The following MKLN1 variants were observed in gnomAD, a reference collection of about 807,000 sequenced individuals.
MKLN1 encodes the protein muskelin.
In MKLN1, 18 loss-of-function variants were observed where a neutral mutation model predicts 99.0. The observed-to-expected ratio is 0.18, with a 90% CI of 0.13 to 0.27. MKLN1 has a LOEUF of 0.27. MKLN1 is among the 10% of genes least tolerant of loss of function. The probability of loss-of-function intolerance (pLI) is 1.00; values close to 1 mark genes in which losing one functional copy is unlikely to be tolerated. For missense variants in MKLN1, 621 were observed against 875.9 expected (o/e 0.71, Z 3.67); for synonymous variants, 288 against 293.2 (o/e 0.98, Z 0.18).
chr7:131,258,216 G>A (rs1355159116), intron 3 of MKLN1, among the ~76,000 whole-genome samples: 3 of 151,158 alleles, frequency 2.0e-5, no homozygotes, highest in Non-Finnish European at 4.4e-5. Flanking sequence ...CTCAGTGACT[G>A]TACTCACTGT....
At chr7:131,354,051 T>C (rs1003895920) in intron 1 of MKLN1, among the ~76,000 whole-genome samples, 3 of 152,218 alleles carry the variant, frequency 2.0e-5, no homozygotes, top group African/African-American at 7.2e-5. Flanking sequence ...AGCTTTAATA[T>C]TGTATAGAGT....
intron 3 of MKLN1, among the ~76,000 whole-genome samples, chr7:131,299,461 T>C (rs914180277): frequency 3.3e-5 from 5 of 152,194 alleles, no homozygotes; most frequent in African/African-American, 9.7e-5. Flanking sequence ...TAGATTTTTT[T>C]CTCCTTGGAG....
At chr7:131,414,108 ATAAT>A (rs1794950692) in intron 7 of MKLN1, among the ~76,000 whole-genome samples, 1 of 152,206 alleles carries the variant, frequency 6.6e-6, no homozygotes, top group South Asian at 2.1e-4. Flanking sequence ...GTTATATAAA[ATAAT>A]TACACAAAGT....
At position 131,443,676 on chromosome 7, in the gene MKLN1, A is replaced by G. The variant is rs1392203772; in HGVS notation, c.1369A>G (p.Ile457Val). The G allele has an allele frequency of 3.1e-6, 5 of 1,612,932 alleles. No homozygotes were observed. In the South Asian group the frequency reaches 4.4e-5, roughly 14 times the overall value. ...TGGGCCTGAGGACATCCAGTCTCGA[A>G]TAGGACACTGCATGTTATTCCACTC... ...NAGPEDIQSR[I>V]GHCMLFHSKN... Residue 457 changes from isoleucine to valine, a missense_variant, in exon 11 of 18, where the codon ATA becomes GTA. This residue lies in a region of MKLN1 where 361 missense variants were observed against 540.8 expected (regional missense o/e 0.67). Transcript: ENST00000352689.
At chr7:131,401,911 T>C (rs1012921880) in intron 6 of MKLN1, among the ~76,000 whole-genome samples, 3 of 152,214 alleles carry the variant, frequency 2.0e-5, no homozygotes, top group African/African-American at 7.2e-5. Flanking sequence ...CTCTTTTTGC[T>C]AGTGAAGGGT....
At chr7:131,322,676 T>C (rs186774163) in intron 3 of MKLN1, among the ~76,000 whole-genome samples, 7,888 of 149,912 alleles carry the variant, frequency 0.053, 324 homozygotes, top group Admixed American at 0.12. Context: ...GTTCACGCCA[T>C]TCTCCTGCCT....
intron 2 of MKLN1, among the ~76,000 whole-genome samples, chr7:131,147,701 A>C (rs1420880599): frequency 6.6e-6 from 1 of 152,120 alleles, no homozygotes; most frequent in African/African-American, 2.4e-5. Flanking sequence ...CAGGATTTCC[A>C]CCCACACAGT....
intron 2 of MKLN1, among the ~76,000 whole-genome samples, chr7:131,165,824 C>T (rs1345672482): frequency 6.6e-6 from 1 of 152,064 alleles, no homozygotes; most frequent in East Asian, 1.9e-4. Context: ...AGTTAGAAAA[C>T]GGTTATGGGG....
At chr7:131,177,812 A>G (rs1796322182) in intron 2 of MKLN1, among the ~76,000 whole-genome samples, 2 of 152,230 alleles carry the variant, frequency 1.3e-5, no homozygotes, top group Non-Finnish European at 2.9e-5. Context: ...GCATAAATGC[A>G]CACATCATAG....
intron 2 of MKLN1, among the ~76,000 whole-genome samples, chr7:131,378,118 T>A (rs1196418343): frequency 6.6e-6 from 1 of 152,204 alleles, no homozygotes; most frequent in Non-Finnish European, 1.5e-5. Context: ...TATTTGTTTA[T>A]TTATTTTTTT....
chr7:131,300,447 G>A (rs918682927), intron 3 of MKLN1, among the ~76,000 whole-genome samples: 3 of 151,558 alleles, frequency 2.0e-5, no homozygotes, highest in East Asian at 3.9e-4. Context: ...TTTGGAGGCC[G>A]AGGCAGGTGG....
chr7:131,172,197 G>C (rs1248294886), intron 2 of MKLN1, among the ~76,000 whole-genome samples: 2 of 152,046 alleles, frequency 1.3e-5, no homozygotes, highest in Non-Finnish European at 2.9e-5. Flanking sequence ...CTGGAGGGCA[G>C]TGACACGAAC....
chr7:131,360,504 G>A (rs1354411677), intron 1 of MKLN1, among the ~76,000 whole-genome samples: 1 of 152,068 alleles, frequency 6.6e-6, no homozygotes, highest in Non-Finnish European at 1.5e-5. Flanking sequence ...ATATTTATGT[G>A]CATCTAAACT....
chr7:131,258,148 T>C (rs1584872585), intron 3 of MKLN1, among the ~76,000 whole-genome samples: 1 of 33,914 alleles, frequency 2.9e-5, no homozygotes, highest in Non-Finnish European at 1.1e-4. Context: ...AAAAAGCTCC[T>C]TTTTTTTTTG....
intron 2 of MKLN1, among the ~76,000 whole-genome samples, chr7:131,376,096 A>ATATT (rs1793639601): frequency 1.4e-3 from 1 of 740 alleles, no homozygotes; most frequent in Non-Finnish European, 5.7e-3. Flanking sequence ...ATTCATGGAA[A>ATATT]TATATATATA....
At chr7:131,319,620 A>G (rs1228527116) in intron 3 of MKLN1, among the ~76,000 whole-genome samples, 1 of 152,192 alleles carries the variant, frequency 6.6e-6, no homozygotes, top group Non-Finnish European at 1.5e-5. Flanking sequence ...GAAAGAAATA[A>G]AGGGTATTCA....
chr7:131,147,672 T>C (rs906993700), intron 2 of MKLN1, among the ~76,000 whole-genome samples: 10 of 152,316 alleles, frequency 6.6e-5, no homozygotes, highest in African/African-American at 2.2e-4. Flanking sequence ...TACAGTCACA[T>C]AGCTAGAAAG....
intron 12 of MKLN1, among the ~76,000 whole-genome samples, chr7:131,455,689 T>A (rs1214395732): frequency 2.0e-5 from 3 of 152,220 alleles, no homozygotes; most frequent in African/African-American, 4.8e-5. Flanking sequence ...TTAAAGTTTT[T>A]AAAATCGTTT....
At chr7:131,295,471 A>G (rs1798277082) in intron 3 of MKLN1, among the ~76,000 whole-genome samples, 1 of 152,212 alleles carries the variant, frequency 6.6e-6, no homozygotes, top group Non-Finnish European at 1.5e-5. Flanking sequence ...CACAGTAGAA[A>G]AAGTTGCAAT....
Sources: allele counts gnomAD v4.1 joint callset (sites outside exome capture counted in the v4.1 genomes callset), GRCh38; gene constraint gnomAD v4.1.1; regional missense constraint gnomAD v4.1.1; transcripts MANE v1.5; gene names NCBI Gene and HGNC (gene_info 2026-07-23, HGNC 2026-07-21).